SLC35F3: variants seen among roughly 807,000 people sequenced by gnomAD.
The protein encoded by SLC35F3 is putative thiamine transporter SLC35F3.
In SLC35F3, 25 loss-of-function variants were observed where a neutral mutation model predicts 49.9. The observed-to-expected ratio is 0.50, with a 90% CI of 0.37 to 0.70. SLC35F3 has a LOEUF of 0.70. SLC35F3 is among the 30% of genes least tolerant of loss of function. The probability of loss-of-function intolerance (pLI) is 0.00; values close to 1 mark genes in which losing one functional copy is unlikely to be tolerated. For missense variants in SLC35F3, 525 were observed against 639.8 expected, an observed-to-expected ratio of 0.82 and a Z score of 1.94; for synonymous variants, 275 against 265.4, an observed-to-expected ratio of 1.04 and a Z score of -0.35.
chr1:234,323,967 C>G lies in SLC35F3; in HGVS notation c.*724C>G, dbSNP rs1657695972. The G allele has an allele frequency of 2.0e-5, 3 of 152,278 alleles. No individual in the cohort carries two copies. 9.4% of individuals were successfully genotyped at this position (152,278 alleles called of 1,614,324 possible). ...CTATGTGAAGCGAGGTGACGTGATA[C>G]GTCACTGGCGCCGTCTTATAATTTA... On this transcript the variant is annotated 3_prime_UTR_variant, in exon 8 of 8. Transcript: ENST00000366618. The surrounding 1 kb of genome is among the most constrained non-coding windows in gnomAD (Gnocchi z 4.5).
intron 2 of SLC35F3, among the ~76,000 whole-genome samples, chr1:234,084,852 A>G (rs1664938193): frequency 2.0e-5 from 3 of 152,106 alleles, no homozygotes; most frequent in Non-Finnish European, 4.4e-5. Flanking sequence ...ACCTCCCTGG[A>G]TTTGTTTTTG....
intron 2 of SLC35F3, among the ~76,000 whole-genome samples, chr1:233,954,332 G>A (rs549514830): frequency 6.6e-6 from 1 of 152,238 alleles, no homozygotes; most frequent in South Asian, 2.1e-4. Flanking sequence ...GAAAGACACT[G>A]AGCTTCTGAC....
intron 2 of SLC35F3, among the ~76,000 whole-genome samples, chr1:233,991,090 C>T (rs1663348308): frequency 6.6e-6 from 1 of 152,214 alleles, no homozygotes. Flanking sequence ...GTGAGTCCTG[C>T]TTTCCATCGC....
chr1:233,932,176 T>C (rs1662253730), intron 2 of SLC35F3, among the ~76,000 whole-genome samples: 1 of 152,034 alleles, frequency 6.6e-6, no homozygotes, highest in African/African-American at 2.4e-5. Flanking sequence ...GGGAGAGCAT[T>C]AGGAGAAATA....
chr1:234,295,574 T>C (rs517527), intron 3 of SLC35F3, among the ~76,000 whole-genome samples: 65,067 of 152,122 alleles, frequency 0.43, 14,488 homozygotes, highest in East Asian at 0.77. Context: ...GGAATTTTCA[T>C]TGGTTGTCTT....
intron 2 of SLC35F3, among the ~76,000 whole-genome samples, chr1:233,948,479 G>A (rs1247197770): frequency 4.6e-5 from 7 of 152,090 alleles, no homozygotes; most frequent in Admixed American, 4.6e-4. Context: ...AAACCACAAG[G>A]CTAGATAATT....
intron 2 of SLC35F3, among the ~76,000 whole-genome samples, chr1:233,995,375 G>A (rs1663440376): frequency 6.6e-6 from 1 of 152,148 alleles, no homozygotes; most frequent in Non-Finnish European, 1.5e-5. Flanking sequence ...ATTGCAAGCT[G>A]TGGAGATAGA....
At chr1:234,084,459 T>C (rs1427796477) in intron 2 of SLC35F3, among the ~76,000 whole-genome samples, 1 of 152,174 alleles carries the variant, frequency 6.6e-6, no homozygotes, top group Non-Finnish European at 1.5e-5. Context: ...TTTTCCAAGC[T>C]CAGAACCAAC....
intron 2 of SLC35F3, among the ~76,000 whole-genome samples, chr1:234,062,089 A>G (rs1272558506): frequency 2.0e-5 from 3 of 152,210 alleles, no homozygotes; most frequent in South Asian, 2.1e-4. Flanking sequence ...ACTGTAGAGA[A>G]CATACTGTTG....
chr1:234,274,214 T>C (rs1668160367), intron 3 of SLC35F3: 1 of 152,252 alleles, frequency 6.6e-6, no homozygotes, highest in African/African-American at 2.4e-5. Context: ...GACCGTTTTG[T>C]GAGGTCTTCA....
intron 2 of SLC35F3, among the ~76,000 whole-genome samples, chr1:234,151,155 G>A (rs1666070061): frequency 6.6e-6 from 1 of 151,932 alleles, no homozygotes; most frequent in South Asian, 2.1e-4. Flanking sequence ...AGCAGGATGG[G>A]GACAAACAGA....
chr1:233,976,886 C>T (rs918657470), intron 2 of SLC35F3, among the ~76,000 whole-genome samples: 28 of 152,214 alleles, frequency 1.8e-4, no homozygotes, highest in African/African-American at 6.8e-4. Context: ...GCTGGAATTA[C>T]AGGCGTGAGC....
intron 2 of SLC35F3, among the ~76,000 whole-genome samples, chr1:234,002,541 A>G (rs1272235931): frequency 6.6e-6 from 1 of 152,148 alleles, no homozygotes; most frequent in Admixed American, 6.5e-5. Context: ...TTGGGGAGAA[A>G]GACCTCAAAG....
At chr1:234,178,779 A>G (rs1184220709) in intron 2 of SLC35F3, among the ~76,000 whole-genome samples, 1 of 152,096 alleles carries the variant, frequency 6.6e-6, no homozygotes, top group Non-Finnish European at 1.5e-5. Flanking sequence ...CTGACACATC[A>G]TCACCACCCA....
At chr1:234,161,008 TTC>T (rs1404692700) in intron 2 of SLC35F3, among the ~76,000 whole-genome samples, 1 of 152,232 alleles carries the variant, frequency 6.6e-6, no homozygotes, top group Non-Finnish European at 1.5e-5. Context: ...GCTTTCCTGC[TTC>T]TCTCCATTTC....
chr1:233,933,964 T>G lies in SLC35F3; in HGVS notation c.283+28206T>G, dbSNP rs146234966. Among the ~76,000 whole-genome samples the G allele has an allele frequency of 1.3e-3, 201 of 152,326 alleles. 1 individual carries two copies. The highest frequency in any genetic ancestry group is 4.6e-3 in the African/African-American group (191 of 41,576). ...TCCAAAGCACGTAGAGATCATCTAA[T>G]GTTTTGAGGCTATTCACTCCTCTTT... On this transcript the variant is annotated intron_variant, in intron 2 of 7. Transcript: ENST00000366618.
At chr1:234,093,619 C>A (rs575894383) in intron 2 of SLC35F3, among the ~76,000 whole-genome samples, 1 of 152,340 alleles carries the variant, frequency 6.6e-6, no homozygotes, top group African/African-American at 2.4e-5. Flanking sequence ...GACCACGACC[C>A]GAGGAGGGGA....
intron 2 of SLC35F3, among the ~76,000 whole-genome samples, chr1:234,196,583 C>T (rs527889145): frequency 6.6e-6 from 1 of 152,368 alleles, no homozygotes; most frequent in South Asian, 2.1e-4. Flanking sequence ...TGGCTCCCCA[C>T]TAACATGTAA....
At chr1:234,213,198 C>T (rs190130895) in intron 2 of SLC35F3, 49 of 152,356 alleles carry the variant, frequency 3.2e-4, no homozygotes, top group African/African-American at 1.2e-3. Context: ...CTGTACCACT[C>T]CACAGAGCTA....
Sources: gnomAD v4.1 joint callset for allele counts (sites outside exome capture counted in the v4.1 genomes callset) on GRCh38, gnomAD v4.1.1 for gene constraint, Gnocchi (gnomAD v3.1) non-coding constraint, MANE v1.5 for transcripts, NCBI Gene and HGNC (gene_info 2026-07-23, HGNC 2026-07-21) for gene names.